The following PDSS2 variants were observed in gnomAD, a reference collection of about 807,000 sequenced individuals.
The protein encoded by PDSS2 is all trans-polyprenyl-diphosphate synthase PDSS2.
Under a neutral mutation model 44.5 loss-of-function variants are expected in PDSS2, and 31 were observed. The observed-to-expected ratio is 0.70, with a 90% CI of 0.52 to 0.94. The LOEUF (loss-of-function observed/expected upper bound fraction) is 0.94, where lower values mean the gene tolerates loss of function less well. Ranked by LOEUF, PDSS2 falls within the 40% of genes least tolerant of loss-of-function variation. The pLI, the probability that PDSS2 is intolerant of heterozygous loss-of-function variation, is 0.00. For synonymous variants in PDSS2, 157 were observed against 180.3 expected (o/e 0.87, Z 1.03); for missense variants, 452 against 482.2 (o/e 0.94, Z 0.59).
intron 1 of PDSS2, among the ~76,000 whole-genome samples, chr6:107,411,879 CTT>C (rs145161415): frequency 0.036 from 3,390 of 93,790 alleles, 125 homozygotes; most frequent in African/African-American, 0.13. Context: ...TCTTCTTCTT[CTT>C]TTTTTTTTTT....
chr6:107,244,094 C>T (rs1774530198), intron 4 of PDSS2, among the ~76,000 whole-genome samples: 1 of 152,200 alleles, frequency 6.6e-6, no homozygotes, highest in Non-Finnish European at 1.5e-5. Context: ...TGCCATTGCA[C>T]TCCAGCCTGG....
intron 2 of PDSS2, among the ~76,000 whole-genome samples, chr6:107,304,647 C>T (rs1776799667): frequency 6.6e-6 from 1 of 152,198 alleles, no homozygotes; most frequent in Non-Finnish European, 1.5e-5. Flanking sequence ...GGTTAAATTA[C>T]TGTATATCTA....
chr6:107,315,240 G>A lies in PDSS2; in HGVS notation c.431+18958C>T, dbSNP rs535515159. On this transcript the variant is annotated intron_variant, in intron 2 of 7. Coordinates refer to ENST00000369037, the MANE Select transcript of PDSS2 (RefSeq NM_020381.4). ...ATAACCAGAAAGATGTGATCAAGAA[G>A]GCAGATCTTGGAATAAGTTACAAAG... is the stretch of plus-strand genomic sequence containing the variant. 3.9e-5 allele frequency among the ~76,000 whole-genome samples: 6 copies of A among 152,180 alleles called. No individual in the cohort carries two copies. The South Asian group carries it at 1.2e-3, about 32-fold the overall frequency.
chr6:107,312,030 C>T (rs1777061100), intron 2 of PDSS2, among the ~76,000 whole-genome samples: 2 of 152,236 alleles, frequency 1.3e-5, no homozygotes, highest in South Asian at 4.2e-4. Context: ...AAAAGGAGAG[C>T]AGAACTGTAT....
chr6:107,198,634 GT>G (rs1772648692), intron 6 of PDSS2, among the ~76,000 whole-genome samples: 1 of 152,116 alleles, frequency 6.6e-6, no homozygotes, highest in African/African-American at 2.4e-5. Flanking sequence ...CTGATATGGT[GT>G]TTTCTCACAA....
intron 3 of PDSS2, among the ~76,000 whole-genome samples, chr6:107,269,362 GT>G (rs1775520062): frequency 6.6e-6 from 1 of 151,672 alleles, no homozygotes; most frequent in African/African-American, 2.4e-5. Context: ...GTGTGTGTGT[GT>G]GTGTGTGTGT....
intron 1 of PDSS2, among the ~76,000 whole-genome samples, chr6:107,375,755 T>C (rs925002997): frequency 1.3e-5 from 2 of 152,204 alleles, no homozygotes; most frequent in African/African-American, 4.8e-5. Flanking sequence ...AACAATATCC[T>C]TTATGATATC....
chr6:107,260,823 C>T (rs1387762684), intron 3 of PDSS2, among the ~76,000 whole-genome samples: 3 of 151,866 alleles, frequency 2.0e-5, no homozygotes, highest in African/African-American at 7.3e-5. Flanking sequence ...GCCACTATGC[C>T]CGGCTAATTT....
intron 1 of PDSS2, among the ~76,000 whole-genome samples, chr6:107,351,129 A>G (rs182154026): frequency 6.6e-4 from 100 of 152,348 alleles, no homozygotes; most frequent in African/African-American, 2.0e-3. Flanking sequence ...CACATTGCCA[A>G]TATAGTTCCA....
At chr6:107,410,665 T>C (rs1215908025) in intron 1 of PDSS2, among the ~76,000 whole-genome samples, 1 of 152,026 alleles carries the variant, frequency 6.6e-6, no homozygotes, top group Non-Finnish European at 1.5e-5. Flanking sequence ...TGTTTGTATT[T>C]TTAGTAAAGA....
At chr6:107,428,884 G>A (rs991930103) in intron 1 of PDSS2, among the ~76,000 whole-genome samples, 2 of 152,110 alleles carry the variant, frequency 1.3e-5, no homozygotes, top group Non-Finnish European at 2.9e-5. Context: ...CTTTCAAAAA[G>A]TTCACAGTCA....
At position 107,367,802 on chromosome 6, in the gene PDSS2, C is replaced by CAAAA. The variant is rs58861327; in HGVS notation, c.297-33474_297-33471dup. 4.5e-4 allele frequency among the ~76,000 whole-genome samples: 46 copies of CAAAA among 101,576 alleles called. 1 individual carries two copies. The highest frequency in any genetic ancestry group is 3.0e-3 in the South Asian group (8 of 2,688). 66.6% of individuals were successfully genotyped at this position (101,576 alleles called of 152,430 possible). A position where few individuals can be genotyped will look rare whatever the true frequency, so the allele number is the denominator to read the frequency against. Reference sequence around the variant, plus strand: ...TGGGCAATAGAGTGGAACTCTGTCTCAAAAAAAAAAAAAAAAAAAATTAAA... The same window carrying CAAAA: ...TGGGCAATAGAGTGGAACTCTGTCTCAAAAAAAAAAAAAAAAAAAAAAAATTAAA... On this transcript the variant is annotated intron_variant, in intron 1 of 7. Coordinates refer to ENST00000369037, the MANE Select transcript of PDSS2 (RefSeq NM_020381.4).
At chr6:107,215,665 C>T (rs973325906) in intron 4 of PDSS2, among the ~76,000 whole-genome samples, 9 of 152,052 alleles carry the variant, frequency 5.9e-5, no homozygotes, top group Admixed American at 5.2e-4. Context: ...AGAGATTCAA[C>T]TAAAAAACTA....
chr6:107,212,848 A>G (rs1266144988), intron 4 of PDSS2, among the ~76,000 whole-genome samples: 4 of 151,832 alleles, frequency 2.6e-5, no homozygotes, highest in Non-Finnish European at 5.9e-5. Flanking sequence ...AAAAAAAAAA[A>G]AAAAAAATAG....
chr6:107,169,293 G>A (rs1426413915), intron 7 of PDSS2, among the ~76,000 whole-genome samples: 4 of 151,904 alleles, frequency 2.6e-5, no homozygotes, highest in African/African-American at 9.7e-5. Context: ...TTGTGCATTC[G>A]TCACGTAGTT....
chr6:107,168,194 G>A (rs527543217), intron 7 of PDSS2, among the ~76,000 whole-genome samples: 2 of 152,274 alleles, frequency 1.3e-5, no homozygotes, highest in African/African-American at 4.8e-5. Flanking sequence ...AGGAGAGTTA[G>A]CTCTTCTTGT....
chr6:107,236,837 C>T (rs996358617), intron 4 of PDSS2, among the ~76,000 whole-genome samples: 2 of 151,986 alleles, frequency 1.3e-5, no homozygotes, highest in African/African-American at 4.8e-5. Context: ...TGTTATTTTT[C>T]TTAATGGGAA....
chr6:107,431,541 A>T (rs1156748371), intron 1 of PDSS2, among the ~76,000 whole-genome samples: 1 of 152,108 alleles, frequency 6.6e-6, no homozygotes, highest in Non-Finnish European at 1.5e-5. Context: ...GAGCCACTAC[A>T]CCCAGCCACC....
chr6:107,364,761 C>T (rs547433129), intron 1 of PDSS2, among the ~76,000 whole-genome samples: 68 of 152,312 alleles, frequency 4.5e-4, no homozygotes, highest in Middle Eastern at 3.4e-3. Flanking sequence ...GGGGAGGTGC[C>T]GAGAACAAGC....
Sources: allele counts gnomAD v4.1 joint callset (sites outside exome capture counted in the v4.1 genomes callset), GRCh38; gene constraint gnomAD v4.1.1; transcripts MANE v1.5; gene names NCBI Gene and HGNC (gene_info 2026-07-23, HGNC 2026-07-21).